Variants in TBC1D31 observed in about 807,000 individuals in gnomAD.
TBC1D31 encodes the protein TBC1 domain family member 31.
TBC1D31 carries 99 observed loss-of-function variants against 132.9 expected under a neutral mutation model. The observed-to-expected ratio is 0.74, with a 90% CI of 0.63 to 0.88. The LOEUF is 0.88. TBC1D31 is among the 40% of genes least tolerant of loss of function. The probability of loss-of-function intolerance (pLI) is 0.00; values close to 1 mark genes in which losing one functional copy is unlikely to be tolerated. For synonymous variants in TBC1D31, 385 were observed against 419.4 expected (o/e 0.92, Z 1.00); for missense variants, 1,134 against 1,256.6 (o/e 0.90, Z 1.48).
intron 2 of TBC1D31, among the ~76,000 whole-genome samples, chr8:123,081,745 G>A (rs1228397684): frequency 6.6e-6 from 1 of 152,204 alleles, no homozygotes; most frequent in Non-Finnish European, 1.5e-5. Flanking sequence ...GTGGTGGCAA[G>A]AGAGAAATGA....
Position 123,072,801 on chromosome 8 carries a change from G to C in TBC1D31, c.32G>C (p.Ser11Thr), listed in dbSNP as rs774771378. 1.3e-5 allele frequency: 20 copies of C among 1,574,326 alleles called. No individual in the cohort carries two copies. Among genetic ancestry groups the C allele is most frequent in the Non-Finnish European group, 1.6e-5 (19 of 1,160,466 alleles). The stretch of plus-strand genomic sequence containing the variant: ...AGCACTGACCTAGGCAACAAGGAGA[G>C]CGGCAAGATATGGCACCGCAAGCCG... The part of the protein sequence containing the change: MQSTDLGNKE[S>T]GKIWHRKPSP... Residue 11 changes from serine to threonine, a missense_variant, in exon 1 of 22, where the codon AGC (serine) becomes ACC (threonine). Coordinates refer to ENST00000287380, the MANE Select transcript of TBC1D31 (RefSeq NM_145647.4).
intron 6 of TBC1D31, among the ~76,000 whole-genome samples, chr8:123,098,400 C>T (rs572902575): frequency 6.6e-6 from 1 of 152,158 alleles, no homozygotes; most frequent in African/African-American, 2.4e-5. Flanking sequence ...CTCCCAGGCT[C>T]AAGTGATTCT....
chr8:123,119,989 A>C, intron 10 of TBC1D31, 66 bp from the exon 11 acceptor site: 1 of 1,367,934 alleles, frequency 7.3e-7, no homozygotes. Context: ...TTTTGTATCA[A>C]ATTTTTATCA....
At chr8:123,075,482 T>C (rs747528436) in intron 1 of TBC1D31, among the ~76,000 whole-genome samples, 4 of 152,132 alleles carry the variant, frequency 2.6e-5, no homozygotes, top group Non-Finnish European at 4.4e-5. Context: ...GGTGGGAGGA[T>C]CACGAGGTCA....
chr8:123,092,898 A>C (rs1176356873), intron 4 of TBC1D31, among the ~76,000 whole-genome samples: 9 of 141,476 alleles, frequency 6.4e-5, no homozygotes, highest in Admixed American at 1.5e-4. Flanking sequence ...TGCAACCTCC[A>C]CCTCCCAGGT....
chr8:123,151,048 G>T (rs1354606955), intron 21 of TBC1D31, among the ~76,000 whole-genome samples: 1 of 152,110 alleles, frequency 6.6e-6, no homozygotes, highest in Non-Finnish European at 1.5e-5. Context: ...TATAAATTCT[G>T]TGCCAGAATA....
intron 2 of TBC1D31, among the ~76,000 whole-genome samples, chr8:123,080,045 CTT>C (rs1298642017): frequency 6.6e-6 from 1 of 152,120 alleles, no homozygotes; most frequent in East Asian, 1.9e-4. Flanking sequence ...CAACTGGACC[CTT>C]GTAACAAAAG....
At chr8:123,103,367 TACTG>T (rs1001882038) in intron 7 of TBC1D31, 8 of 152,150 alleles carry the variant, frequency 5.3e-5, no homozygotes, top group African/African-American at 7.2e-5. Context: ...TATCTGCTCT[TACTG>T]AGAGAGTTTT....
Position 123,129,184 on chromosome 8 carries a change from C to G in TBC1D31, c.2236C>G (p.Gln746Glu). The G allele has an allele frequency of 6.2e-7, 1 of 1,602,692 alleles. No individual in the cohort carries two copies. Among genetic ancestry groups the G allele is most frequent in the African/African-American group, 1.3e-5 (1 of 74,760 alleles). Residue 746 changes from glutamine to glutamate, a missense_variant, in exon 15 of 22, where the codon CAA (glutamine) becomes GAA (glutamate). By Grantham distance (29) the Gln-to-Glu change is conservative (BLOSUM62 2). Transcript: ENST00000287380. The stretch of plus-strand genomic sequence containing the variant: ...AGAAACAAGAAGAGAAATGCTCTTA[C>G]AAGAGGAGGAGAAAATGATACAACA... ...AEETRREMLLQEEEKMIQQRQ... is the reference protein window; with the variant it reads ...AEETRREMLLEEEEKMIQQRQ...
chr8:123,151,989 G>T lies in TBC1D31; in HGVS notation c.*50G>T. On this transcript the variant is annotated 3_prime_UTR_variant, in exon 22 of 22. Transcript: ENST00000287380. ...GAGAGAGAGACCTATTTTGCAATCA[G>T]TGACATTGATTTTTAGATTATTTAT... is the stretch of plus-strand genomic sequence containing the variant. 1 of 1,366,456 alleles carries T rather than the reference G, an allele frequency of 7.3e-7. No homozygotes were observed. 84.6% of individuals were successfully genotyped at this position (1,366,456 alleles called of 1,614,324 possible).
intron 1 of TBC1D31, among the ~76,000 whole-genome samples, chr8:123,073,813 G>A (rs1814187585): frequency 6.6e-6 from 1 of 151,862 alleles, no homozygotes. Context: ...AGCCTCCTAA[G>A]TAGCTGGGAT....
intron 2 of TBC1D31, among the ~76,000 whole-genome samples, chr8:123,079,601 C>CAGAA (rs33920094): frequency 0.31 from 47,155 of 151,812 alleles, 7,556 homozygotes; most frequent in African/African-American, 0.35. Context: ...GATTTCATGA[C>CAGAA]TAATGAACTT....
rs572977318 is a variant in TBC1D31, at chr8:123,079,651, G to A, written c.224+2394G>A. ...CTTTGCACTTCATTTGCTTGTCTAC[G>A]GTTACTTAACGTTTCCTATTCTCCA... is the stretch of plus-strand genomic sequence containing the variant. On this transcript the variant is annotated intron_variant, in intron 2 of 21. Coordinates refer to ENST00000287380, the MANE Select transcript of TBC1D31 (RefSeq NM_145647.4). Among the ~76,000 whole-genome samples, 4 of 152,126 alleles carry A rather than the reference G, an allele frequency of 2.6e-5. No homozygotes were observed. In the South Asian group the frequency reaches 8.3e-4, roughly 32 times the overall value.
intron 10 of TBC1D31, among the ~76,000 whole-genome samples, chr8:123,116,297 T>C (rs1818897954): frequency 1.3e-5 from 2 of 152,162 alleles, no homozygotes; most frequent in Non-Finnish European, 1.5e-5. Context: ...GAACTAAAGA[T>C]TTAATTCCTT....
chr8:123,137,266 G>C (rs7818440), intron 17 of TBC1D31, among the ~76,000 whole-genome samples: 63,899 of 151,932 alleles, frequency 0.42, 14,505 homozygotes, highest in African/African-American at 0.59. Context: ...TTCTCCTTCG[G>C]ATAATACCAG....
In TBC1D31 at chr8:123,151,816, T is replaced by G; in HGVS notation, c.3078T>G (p.Asn1026Lys). Residue 1026 changes from asparagine to lysine, a missense_variant, in exon 22 of 22, where the codon AAT becomes AAG. By Grantham distance (94) the Asn-to-Lys change is moderately conservative. Transcript: ENST00000287380. Reference protein sequence around the residue: ...EMDPSTQISLNRRAVEWDTTG... With the variant: ...EMDPSTQISLKRRAVEWDTTG... ...AATTTCGTTTTCAAGTTTCTTTAAA[T>G]AGAAGAGCAGTAGAATGGGACACCA... The G allele has an allele frequency of 6.4e-7, 1 of 1,556,708 alleles. No homozygotes were observed. Among genetic ancestry groups the G allele is most frequent in the Non-Finnish European group, 8.6e-7 (1 of 1,163,124 alleles).
At chr8:123,096,674 G>A (rs927980655) in intron 5 of TBC1D31, among the ~76,000 whole-genome samples, 1 of 152,144 alleles carries the variant, frequency 6.6e-6, no homozygotes, top group East Asian at 1.9e-4. Flanking sequence ...GACCATACCT[G>A]GCTTATAGCA....
At chr8:123,073,572 C>T (rs1009702294) in intron 1 of TBC1D31, 3 of 357,228 alleles carry the variant, frequency 8.4e-6, no homozygotes, top group African/African-American at 4.3e-5. Flanking sequence ...TGCTACAAAG[C>T]GGTGCCATTT....
intron 10 of TBC1D31, among the ~76,000 whole-genome samples, chr8:123,112,506 C>T (rs1818545973): frequency 1.3e-5 from 2 of 152,068 alleles, no homozygotes; most frequent in African/African-American, 4.8e-5. Context: ...CTTTTCTGTA[C>T]TCTGCTTTTT....
Sources: allele counts gnomAD v4.1 joint callset (sites outside exome capture counted in the v4.1 genomes callset), GRCh38; gene constraint gnomAD v4.1.1; transcripts MANE v1.5; gene names NCBI Gene and HGNC (gene_info 2026-07-23, HGNC 2026-07-21).